SGCZ: variants seen among roughly 807,000 people sequenced by gnomAD.
SGCZ encodes zeta-sarcoglycan.
A neutral mutation model predicts 41.3 loss-of-function variants in SGCZ; 40 were observed. The observed-to-expected ratio is 0.97, with a 90% CI of 0.75 to 1.26. SGCZ has a LOEUF of 1.26. Ranked by LOEUF, SGCZ falls within the 50% of genes most tolerant of loss-of-function variation. The pLI is 0.00. For synonymous variants in SGCZ, 206 were observed against 137.5 expected, an observed-to-expected ratio of 1.50 and a Z score of -3.49; for missense variants, 552 against 369.8, an observed-to-expected ratio of 1.49 and a Z score of -4.04.
intron 2 of SGCZ, among the ~76,000 whole-genome samples, chr8:14,357,147 T>C (rs1041772945): frequency 3.9e-5 from 6 of 152,190 alleles, no homozygotes; most frequent in Non-Finnish European, 5.9e-5. Flanking sequence ...GATATGTTGA[T>C]ATTTTTCAAA....
chr8:15,066,230 C>G (rs1029194141), intron 1 of SGCZ, among the ~76,000 whole-genome samples: 3 of 151,110 alleles, frequency 2.0e-5, no homozygotes, highest in Non-Finnish European at 4.4e-5. Context: ...ATGGCGTGAA[C>G]CCGGGAAGCG....
intron 2 of SGCZ, among the ~76,000 whole-genome samples, chr8:14,525,084 CATAG>C (rs78775141): frequency 0.018 from 2,673 of 151,390 alleles, 54 homozygotes; most frequent in African/African-American, 0.045. Flanking sequence ...TAGATAGACA[CATAG>C]ATAGATAGAC....
At chr8:14,899,265 G>T (rs1180675494) in intron 1 of SGCZ, among the ~76,000 whole-genome samples, 1 of 152,016 alleles carries the variant, frequency 6.6e-6, no homozygotes, top group Non-Finnish European at 1.5e-5. Context: ...CTCCTTGCCG[G>T]CAATCCCTTC....
intron 1 of SGCZ, among the ~76,000 whole-genome samples, chr8:14,889,361 T>A (rs954949469): frequency 6.6e-6 from 1 of 152,104 alleles, no homozygotes; most frequent in Non-Finnish European, 1.5e-5. Flanking sequence ...ATTTAAAAAA[T>A]TGTGCTCAAG....
At chr8:14,244,573 C>T (rs890383555) in intron 3 of SGCZ, among the ~76,000 whole-genome samples, 37 of 151,846 alleles carry the variant, frequency 2.4e-4, no homozygotes, top group African/African-American at 7.7e-4. Flanking sequence ...CTTGGCGATG[C>T]GGGCTCTTTT....
intron 1 of SGCZ, among the ~76,000 whole-genome samples, chr8:14,601,987 G>A (rs1318854958): frequency 6.6e-6 from 1 of 152,082 alleles, no homozygotes; most frequent in Non-Finnish European, 1.5e-5. Context: ...GGGCCTGGTG[G>A]CGGGCGCCTG....
intron 1 of SGCZ, among the ~76,000 whole-genome samples, chr8:14,960,752 A>C (rs1800936484): frequency 6.6e-6 from 1 of 152,112 alleles, no homozygotes; most frequent in African/African-American, 2.4e-5. Flanking sequence ...TTATTTATTC[A>C]TATACCATCA....
chr8:15,077,435 T>C (rs1429869996), intron 1 of SGCZ, among the ~76,000 whole-genome samples: 2 of 152,252 alleles, frequency 1.3e-5, no homozygotes, highest in African/African-American at 2.4e-5. Context: ...AGAATTAGAT[T>C]AGCAAAAGCA....
chr8:14,350,460 T>C (rs1803047941), intron 2 of SGCZ, among the ~76,000 whole-genome samples: 1 of 152,158 alleles, frequency 6.6e-6, no homozygotes, highest in South Asian at 2.1e-4. Flanking sequence ...TCATTTCCCA[T>C]GCTATCAGGA....
At chr8:15,014,663 T>G (rs1048869223) in intron 1 of SGCZ, among the ~76,000 whole-genome samples, 1 of 152,106 alleles carries the variant, frequency 6.6e-6, no homozygotes, top group Non-Finnish European at 1.5e-5. Context: ...ACCCTTCACA[T>G]TTGAGAGCCA....
chr8:15,028,234 C>T (rs991891853), intron 1 of SGCZ, among the ~76,000 whole-genome samples: 1 of 152,136 alleles, frequency 6.6e-6, no homozygotes, highest in Non-Finnish European at 1.5e-5. Context: ...GGAAAGTGCT[C>T]TCATCTTCAG....
chr8:14,456,357 A>G (rs566355576), intron 2 of SGCZ, among the ~76,000 whole-genome samples: 1 of 152,208 alleles, frequency 6.6e-6, no homozygotes, highest in Non-Finnish European at 1.5e-5. Flanking sequence ...GCAGAGAGCC[A>G]AGACTGCACC....
intron 2 of SGCZ, among the ~76,000 whole-genome samples, chr8:14,399,121 C>G (rs1442518223): frequency 6.6e-6 from 1 of 152,024 alleles, no homozygotes; most frequent in South Asian, 2.1e-4. Context: ...AAGTGGCACT[C>G]CCATTGTTTT....
intron 1 of SGCZ, among the ~76,000 whole-genome samples, chr8:14,790,793 G>C (rs1445318648): frequency 1.3e-5 from 2 of 152,128 alleles, no homozygotes; most frequent in African/African-American, 4.8e-5. Context: ...CACTTAGGGA[G>C]GTCAAGGTGG....
chr8:14,869,288 G>A (rs990090503), intron 1 of SGCZ, among the ~76,000 whole-genome samples: 3 of 152,096 alleles, frequency 2.0e-5, no homozygotes, highest in African/African-American at 4.8e-5. Flanking sequence ...TTTAACATAT[G>A]CAAATCAATA....
rs143839090 is a variant in SGCZ, at chr8:14,511,747, A to G, written c.234+42985T>C. Among the ~76,000 whole-genome samples, 3 of 152,272 alleles carry G rather than the reference A, an allele frequency of 2.0e-5. No homozygotes were observed. In the East Asian group the frequency reaches 5.8e-4, roughly 29 times the overall value. On this transcript the variant is annotated intron_variant, in intron 2 of 7. Transcript: ENST00000382080. ...ATTAAATTAATCCAAGTTGTTAAGT[A>G]TGATTGTATAGCCAAAGTTACTGTA...
intron 2 of SGCZ, among the ~76,000 whole-genome samples, chr8:14,425,800 T>C (rs1331327163): frequency 6.6e-6 from 1 of 151,784 alleles, no homozygotes; most frequent in Non-Finnish European, 1.5e-5. Context: ...CAGACTATAA[T>C]CCCAAGCTAA....
At chr8:14,603,095 G>A (rs1163371012) in intron 1 of SGCZ, among the ~76,000 whole-genome samples, 2 of 152,198 alleles carry the variant, frequency 1.3e-5, no homozygotes, top group African/African-American at 4.8e-5. Flanking sequence ...AACCCATTGT[G>A]AAGGAGCTAG....
At chr8:15,088,794 A>G (rs1806044952) in intron 1 of SGCZ, among the ~76,000 whole-genome samples, 3 of 152,146 alleles carry the variant, frequency 2.0e-5, no homozygotes, top group Admixed American at 2.0e-4. Context: ...AAAACACATC[A>G]TGTGCTCCAG....
Sources: allele counts gnomAD v4.1 joint callset (sites outside exome capture counted in the v4.1 genomes callset), GRCh38; gene constraint gnomAD v4.1.1; transcripts MANE v1.5; gene names NCBI Gene and HGNC (gene_info 2026-07-23, HGNC 2026-07-21).